RPL36A: variants seen among roughly 807,000 people sequenced by gnomAD.
The protein encoded by RPL36A is large ribosomal subunit protein eL42.
For missense variants in RPL36A, 20 were observed against 81.0 expected (o/e 0.25, Z 2.89); for synonymous variants, 25 against 28.5 (o/e 0.88, Z 0.39).
At chrX:101,391,658 G>A in intron 2 of RPL36A, 94 bp downstream of exon 2, 1 of 1,195,550 alleles carries the variant, frequency 8.4e-7, no homozygotes, top group Middle Eastern at 2.3e-4. Context: ...CGCCTGGCTT[G>A]AGCGTTAATA....
intron 3 of RPL36A, among the ~76,000 whole-genome samples, chrX:101,394,896 C>G (rs1472943354): frequency 3.0e-5 from 3 of 100,657 alleles, no homozygotes; most frequent in Non-Finnish European, 6.0e-5. Context: ...TCAAGTGATT[C>G]TTCTGCCTCA....
At chrX:101,392,152 G>A in intron 3 of RPL36A, 2 of 1,046,803 alleles carry the variant, frequency 1.9e-6, no homozygotes, top group South Asian at 2.0e-5. Context: ...CAATATGTCT[G>A]AATCCTCGCT....
At chrX:101,393,174 G>A (rs1927890540) in intron 3 of RPL36A, 1 of 107,609 alleles carries the variant, frequency 9.3e-6, no homozygotes, top group Admixed American at 1.0e-4. Flanking sequence ...GTACTATTCA[G>A]CCATAAAAAG....
At position 101,396,114 on chromosome X, in the gene RPL36A, T is replaced by TA. The variant is rs1928018247; in HGVS notation, c.*367dup. The stretch of plus-strand genomic sequence containing the variant: ...TAAGAGTTAAGTGTCAGATCTTTGT[T>TA]ATAACAGTTAATTTAATAAAGAATT... On this transcript the variant is annotated 3_prime_UTR_variant, in exon 5 of 5. Transcript: ENST00000553110. The TA allele has an allele frequency of 2.3e-5, 4 of 175,844 alleles. No homozygotes were observed. The highest frequency in any genetic ancestry group is 1.0e-5 in the Non-Finnish European group (1 of 96,072). 14.5% of individuals were successfully genotyped at this position (175,844 alleles called of 1,213,427 possible).
Position 101,391,745 on chromosome X carries a change from G to C in RPL36A, c.110-10G>C. The stretch of plus-strand genomic sequence containing the variant: ...AGTATTTTATAACAAATACCAATTC[G>C]TTTTCCCAGGAAAGCGGCGTTATGA... On this transcript the variant is annotated splice_polypyrimidine_tract_variant and intron_variant, in intron 2 of 4. Transcript: ENST00000553110. The C allele has an allele frequency of 8.3e-7, 1 of 1,210,714 alleles. No individual in the cohort carries two copies. The highest frequency in any genetic ancestry group is 1.1e-6 in the Non-Finnish European group (1 of 895,313).
At chrX:101,391,396 AG>A in intron 1 of RPL36A, 62 bp from the exon 2 acceptor site, 3 of 1,167,383 alleles carry the variant, frequency 2.6e-6, no homozygotes, top group Non-Finnish European at 3.5e-6. Flanking sequence ...TAGCTGGGTA[AG>A]GTAGGGCGTT....
intron 3 of RPL36A, chrX:101,393,365 G>A (rs782812916): frequency 1.8e-5 from 2 of 111,333 alleles, no homozygotes; most frequent in East Asian, 2.8e-4. Context: ...TTCTGGTGGC[G>A]GGAGGTGGGG....
chrX:101,394,233 T>C (rs2079244349), intron 3 of RPL36A, among the ~76,000 whole-genome samples: 1 of 106,065 alleles, frequency 9.4e-6, no homozygotes, highest in Admixed American at 1.0e-4. Flanking sequence ...CTCAGGAGGC[T>C]GAAGCAGGAG....
Position 101,391,028 on chromosome X carries a change from T to A in RPL36A, c.-16T>A, listed in dbSNP as rs1190973240. ...CGCGGTTTCTTTCTTTCCGCGCCGA[T>A]AGCGCTCACGCAAGCATGGTAGGAC... is the stretch of plus-strand genomic sequence containing the variant. On this transcript the variant is annotated 5_prime_UTR_variant, in exon 1 of 5. Coordinates refer to ENST00000553110, the MANE Select transcript of RPL36A (RefSeq NM_021029.6). The A allele has an allele frequency of 2.5e-6, 3 of 1,212,229 alleles. No individual in the cohort carries two copies. Among genetic ancestry groups the A allele is most frequent in the South Asian group, 1.8e-5 (1 of 57,037 alleles).
intron 3 of RPL36A, chrX:101,392,740 G>A (rs2016645328): frequency 1.8e-5 from 7 of 378,571 alleles, no homozygotes; most frequent in Non-Finnish European, 2.0e-5. Flanking sequence ...AGAGATATCT[G>A]CACTCCTATG....
chrX:101,391,925 G>A, intron 3 of RPL36A, 103 bp downstream of exon 3: 2 of 1,190,651 alleles, frequency 1.7e-6, no homozygotes, highest in Non-Finnish European at 2.3e-6. Flanking sequence ...CGTTAGTTTA[G>A]CGAAGTTTTC....
chrX:101,391,449 T>G lies in RPL36A; in HGVS notation c.4-10T>G, dbSNP rs782088988. On this transcript the variant is annotated splice_polypyrimidine_tract_variant and intron_variant, in intron 1 of 4. Transcript: ENST00000553110. The stretch of plus-strand genomic sequence containing the variant: ...ATAACATTGCACGTTCTGAACTGTT[T>G]CTTTACTAGGTTAACGTCCCTAAAA... 8.3e-7 allele frequency: 1 copy of G among 1,208,824 alleles called. No homozygotes were observed. The highest frequency in any genetic ancestry group is 1.1e-6 in the Non-Finnish European group (1 of 894,748).
At chrX:101,391,698 T>C in intron 2 of RPL36A, 57 bp from the exon 3 acceptor site, 1 of 1,203,578 alleles carries the variant, frequency 8.3e-7, no homozygotes, top group Non-Finnish European at 1.1e-6. Flanking sequence ...ATAAAACCTG[T>C]AAGACTTACT....
intron 1 of RPL36A, 74 bp downstream of exon 1, chrX:101,391,120 G>C: frequency 9.0e-7 from 1 of 1,105,388 alleles, no homozygotes; most frequent in Non-Finnish European, 1.3e-6. Flanking sequence ...TGCTATGCCG[G>C]GATGGGTCCA....
At chrX:101,393,868 TAAAAA>T (rs57267183) in intron 3 of RPL36A, 4 of 108,978 alleles carry the variant, frequency 3.7e-5, no homozygotes, top group Non-Finnish European at 5.7e-5. Context: ...CATAAGGAAA[TAAAAA>T]AAAAGTATGG....
intron 1 of RPL36A, 192 bp downstream of exon 1, chrX:101,391,238 A>C: frequency 1.7e-6 from 1 of 587,153 alleles, no homozygotes; most frequent in Non-Finnish European, 2.7e-6. Context: ...TCAAAGAGGT[A>C]GAGTTAGCCG....
rs12387464 is a variant in RPL36A, at chrX:101,396,116, T to A, written c.*368T>A. On this transcript the variant is annotated 3_prime_UTR_variant, in exon 5 of 5. Coordinates refer to ENST00000553110, the MANE Select transcript of RPL36A (RefSeq NM_021029.6). ...AGAGTTAAGTGTCAGATCTTTGTTATAACAGTTAATTTAATAAAGAATTTT... is the reference window on the plus strand; with the variant it reads ...AGAGTTAAGTGTCAGATCTTTGTTAAAACAGTTAATTTAATAAAGAATTTT... 214 of 173,599 alleles carry A rather than the reference T, an allele frequency of 1.2e-3. No homozygotes were observed. The highest frequency in any genetic ancestry group is 6.4e-3 in the African/African-American group (201 of 31,417). The allele number at this position is 173,599 out of a possible 1,213,427, so 14.3% of individuals were successfully genotyped here. A position where few individuals can be genotyped will look rare whatever the true frequency, so the allele number is the denominator to read the frequency against.
chrX:101,395,994 A>G lies in RPL36A; in HGVS notation c.*246A>G. On this transcript the variant is annotated 3_prime_UTR_variant, in exon 5 of 5. Transcript: ENST00000553110. Reference sequence around the variant, plus strand: ...GGGCCTTATGAGGCAGTTTGTCATTATGCAATGGTTATTGGTTATCATGTG... The same window carrying G: ...GGGCCTTATGAGGCAGTTTGTCATTGTGCAATGGTTATTGGTTATCATGTG... The G allele has an allele frequency of 5.2e-6, 2 of 382,301 alleles. No homozygotes were observed. Among genetic ancestry groups the G allele is most frequent in the Non-Finnish European group, 9.0e-6 (2 of 222,757 alleles). The allele number at this position is 382,301 out of a possible 1,213,427, so 31.5% of individuals were successfully genotyped here. A position where few individuals can be genotyped will look rare whatever the true frequency, so the allele number is the denominator to read the frequency against.
chrX:101,391,882 C>T, intron 3 of RPL36A, 60 bp downstream of exon 3: 4 of 1,196,975 alleles, frequency 3.3e-6, no homozygotes, highest in Non-Finnish European at 4.5e-6. Context: ...ATGCACTTGT[C>T]TCTAGTCCAC....
Sources: allele counts gnomAD v4.1 joint callset (sites outside exome capture counted in the v4.1 genomes callset), GRCh38; gene constraint gnomAD v4.1.1; transcripts MANE v1.5; gene names NCBI Gene and HGNC (gene_info 2026-07-23, HGNC 2026-07-21).